The following MCU variants were observed in gnomAD, a reference collection of about 807,000 sequenced individuals.
MCU encodes mitochondrial calcium uniporter, also known as calcium uniporter protein, mitochondrial.
In MCU, 12 loss-of-function variants were observed where a neutral mutation model predicts 45.2. The ratio of observed to expected loss-of-function variants is 0.27; its 90% confidence interval spans 0.17 to 0.43. The LOEUF is 0.43. Ranked by LOEUF, MCU falls within the 20% of genes least tolerant of loss-of-function variation. The pLI is 1.00. For missense variants in MCU, 324 were observed against 436.7 expected (o/e 0.74, Z 2.30); for synonymous variants, 160 against 165.1 (o/e 0.97, Z 0.24).
At chr10:72,849,479 A>G (rs142734888) in intron 2 of MCU, among the ~76,000 whole-genome samples, 1 of 152,226 alleles carries the variant, frequency 6.6e-6, no homozygotes, top group Admixed American at 6.5e-5. Flanking sequence ...AGTTTCAGTT[A>G]TGGCTGTGGG....
intron 2 of MCU, among the ~76,000 whole-genome samples, chr10:72,857,886 C>T (rs950427954): frequency 2.0e-5 from 3 of 152,114 alleles, no homozygotes; most frequent in Non-Finnish European, 4.4e-5. Context: ...TAAATTTTCC[C>T]TTCATAACAT....
intron 1 of MCU, among the ~76,000 whole-genome samples, chr10:72,795,028 A>C (rs887540283): frequency 2.6e-5 from 4 of 152,188 alleles, no homozygotes; most frequent in Non-Finnish European, 4.4e-5. Context: ...ATTTTCTTAA[A>C]ATTTTCCTTG....
intron 1 of MCU, among the ~76,000 whole-genome samples, chr10:72,789,318 A>C (rs1419783995): frequency 6.6e-6 from 1 of 152,162 alleles, no homozygotes; most frequent in Non-Finnish European, 1.5e-5. Flanking sequence ...TGTGTGTACA[A>C]GTTAGTATCT....
intron 2 of MCU, among the ~76,000 whole-genome samples, chr10:72,846,472 G>A (rs976212994): frequency 2.0e-5 from 3 of 152,136 alleles, no homozygotes; most frequent in African/African-American, 2.4e-5. Context: ...TGCTACTCGC[G>A]CATTAGTCAC....
At chr10:72,854,384 A>C (rs1373747002) in intron 2 of MCU, among the ~76,000 whole-genome samples, 4 of 152,240 alleles carry the variant, frequency 2.6e-5, no homozygotes, top group African/African-American at 9.6e-5. Context: ...ATCATATACT[A>C]TGCAAAACAA....
chr10:72,696,744 GCACCC>G (rs1842692710), intron 1 of MCU, among the ~76,000 whole-genome samples: 1 of 152,052 alleles, frequency 6.6e-6, no homozygotes, highest in East Asian at 1.9e-4. Context: ...AGTTAGCTAT[GCACCC>G]CTTTTTCTGC....
intron 1 of MCU, among the ~76,000 whole-genome samples, chr10:72,809,594 T>C (rs1193844788): frequency 1.3e-5 from 2 of 152,174 alleles, no homozygotes; most frequent in Non-Finnish European, 2.9e-5. Flanking sequence ...GACTTAGAGG[T>C]ATATTTGATA....
At chr10:72,832,180 T>C (rs984033396) in intron 1 of MCU, among the ~76,000 whole-genome samples, 2 of 152,112 alleles carry the variant, frequency 1.3e-5, no homozygotes, top group African/African-American at 2.4e-5. Flanking sequence ...AGCAGTCCTC[T>C]CACTCAGCCT....
chr10:72,820,209 A>G (rs1024603850), intron 1 of MCU, among the ~76,000 whole-genome samples: 13 of 152,264 alleles, frequency 8.5e-5, no homozygotes, highest in African/African-American at 3.1e-4. Context: ...TCGTTTGCAA[A>G]CATTTCTAGA....
intron 1 of MCU, among the ~76,000 whole-genome samples, chr10:72,722,414 T>A (rs1010536554): frequency 2.0e-5 from 3 of 151,574 alleles, no homozygotes; most frequent in Admixed American, 1.3e-4. Context: ...TTCTTTTCTG[T>A]TTTATTAAGG....
chr10:72,792,942 G>C (rs553640191), intron 1 of MCU, among the ~76,000 whole-genome samples: 1 of 151,676 alleles, frequency 6.6e-6, no homozygotes, highest in African/African-American at 2.4e-5. Flanking sequence ...GCAGTGGCAC[G>C]ATCTTGGCTC....
At chr10:72,751,654 CCT>C (rs1226488010) in intron 1 of MCU, among the ~76,000 whole-genome samples, 1 of 151,670 alleles carries the variant, frequency 6.6e-6, no homozygotes, top group Non-Finnish European at 1.5e-5. Context: ...CTGCACTCCA[CCT>C]CTTTCTCTTC....
chr10:72,843,785 A>G (rs943273415), intron 2 of MCU, among the ~76,000 whole-genome samples: 1 of 151,850 alleles, frequency 6.6e-6, no homozygotes, highest in Non-Finnish European at 1.5e-5. Context: ...GTTGCTTCAC[A>G]TCCTTGCCAG....
intron 1 of MCU, among the ~76,000 whole-genome samples, chr10:72,801,823 C>T (rs1429005490): frequency 6.6e-6 from 1 of 151,776 alleles, no homozygotes; most frequent in African/African-American, 2.4e-5. Flanking sequence ...AGATACACAC[C>T]ACTATGCCTG....
At chr10:72,851,039 A>G (rs1403308726) in intron 2 of MCU, among the ~76,000 whole-genome samples, 1 of 152,222 alleles carries the variant, frequency 6.6e-6, no homozygotes, top group East Asian at 1.9e-4. Flanking sequence ...TGAGTTGCAA[A>G]CTAAGAAATC....
intron 1 of MCU, 88 bp from the exon 2 acceptor site, chr10:72,834,271 T>A: frequency 1.2e-6 from 1 of 829,966 alleles, no homozygotes; most frequent in East Asian, 2.9e-5. Context: ...ACTTAAGTAA[T>A]CATATGTATA....
At chr10:72,865,750 G>C (rs999789865) in intron 4 of MCU, among the ~76,000 whole-genome samples, 3 of 150,610 alleles carry the variant, frequency 2.0e-5, no homozygotes, top group African/African-American at 7.3e-5. Flanking sequence ...TGTTGCCCAG[G>C]CTGTGTGGTT....
At chr10:72,778,029 TATTG>T (rs1205384306) in intron 1 of MCU, among the ~76,000 whole-genome samples, 1 of 152,136 alleles carries the variant, frequency 6.6e-6, no homozygotes, top group Non-Finnish European at 1.5e-5. Flanking sequence ...CAGTAACAAA[TATTG>T]ATGAGTATGT....
chr10:72,805,494 A>G (rs1844433851), intron 1 of MCU, among the ~76,000 whole-genome samples: 1 of 151,502 alleles, frequency 6.6e-6, no homozygotes, highest in African/African-American at 2.4e-5. Flanking sequence ...CAATCCGCCC[A>G]CCTCAGCCTC....
Sources: gnomAD v4.1 joint callset for allele counts (sites outside exome capture counted in the v4.1 genomes callset) on GRCh38, gnomAD v4.1.1 for gene constraint, MANE v1.5 for transcripts, NCBI Gene and HGNC (gene_info 2026-07-23, HGNC 2026-07-21) for gene names.